The following SH3RF1 variants were observed in gnomAD, a reference collection of about 807,000 sequenced individuals.
SH3RF1 encodes SH3 domain containing ring finger 1.
SH3RF1 carries 32 observed loss-of-function variants against 74.0 expected under a neutral mutation model. The ratio of observed to expected loss-of-function variants is 0.43; its 90% CI spans 0.33 to 0.58. The LOEUF is 0.58. SH3RF1 is among the 20% of genes least tolerant of loss of function. The pLI is 0.05. For missense variants in SH3RF1, 954 were observed against 1,130.9 expected (o/e 0.84, Z 2.24); for synonymous variants, 396 against 439.6 (o/e 0.90, Z 1.24).
At chr4:169,182,276 GCTGA>G (rs1734523466) in intron 2 of SH3RF1, among the ~76,000 whole-genome samples, 1 of 152,176 alleles carries the variant, frequency 6.6e-6, no homozygotes, top group Non-Finnish European at 1.5e-5. Flanking sequence ...GCTAAAAATA[GCTGA>G]CTTTTATATG....
At chr4:169,182,516 A>C (rs1166848912) in intron 2 of SH3RF1, among the ~76,000 whole-genome samples, 1 of 152,250 alleles carries the variant, frequency 6.6e-6, no homozygotes, top group African/African-American at 2.4e-5. Context: ...ATAGAAACTA[A>C]GGTAACATAA....
chr4:169,097,676 G>T (rs1732954188), intron 11 of SH3RF1, among the ~76,000 whole-genome samples: 1 of 152,092 alleles, frequency 6.6e-6, no homozygotes. Flanking sequence ...GTGGTGTATG[G>T]TAGCCAACCT....
chr4:169,227,962 G>C (rs1730677356), intron 2 of SH3RF1, among the ~76,000 whole-genome samples: 1 of 152,158 alleles, frequency 6.6e-6, no homozygotes, highest in Admixed American at 6.5e-5. Flanking sequence ...AAGTGATTCA[G>C]AATCCCAAAT....
chr4:169,236,964 C>T (rs902741729), intron 2 of SH3RF1, among the ~76,000 whole-genome samples: 5 of 152,092 alleles, frequency 3.3e-5, no homozygotes, highest in South Asian at 4.2e-4. Flanking sequence ...TTTAACTGAC[C>T]CAACTTTTGC....
chr4:169,141,247 T>TA (rs1733780488), intron 4 of SH3RF1, among the ~76,000 whole-genome samples: 1 of 151,938 alleles, frequency 6.6e-6, no homozygotes, highest in Non-Finnish European at 1.5e-5. Context: ...TATACATGTA[T>TA]CTACTTTATT....
intron 2 of SH3RF1, among the ~76,000 whole-genome samples, chr4:169,225,857 C>G (rs1174189197): frequency 6.6e-6 from 1 of 151,948 alleles, no homozygotes; most frequent in Non-Finnish European, 1.5e-5. Flanking sequence ...ATGATATGAC[C>G]CACCAACGAC....
chr4:169,248,853 A>G (rs1487556590), intron 2 of SH3RF1, among the ~76,000 whole-genome samples: 1 of 152,142 alleles, frequency 6.6e-6, no homozygotes, highest in Non-Finnish European at 1.5e-5. Flanking sequence ...GTTTTTGGTG[A>G]TTCCTGTGCT....
At chr4:169,116,670 T>C in intron 9 of SH3RF1, 40 bp from the exon 10 acceptor site, 1 of 1,506,616 alleles carries the variant, frequency 6.6e-7, no homozygotes, top group Non-Finnish European at 8.9e-7. Flanking sequence ...AATTCAACTA[T>C]CTAATAGATG....
chr4:169,139,868 T>C (rs1733756219), intron 4 of SH3RF1, among the ~76,000 whole-genome samples: 1 of 152,222 alleles, frequency 6.6e-6, no homozygotes, highest in Admixed American at 6.5e-5. Context: ...ATCTATAAAG[T>C]AAGTTGGAGC....
At chr4:169,185,152 C>T (rs1692182513) in intron 2 of SH3RF1, among the ~76,000 whole-genome samples, 1 of 152,134 alleles carries the variant, frequency 6.6e-6, no homozygotes, top group South Asian at 2.1e-4. Context: ...TCAATCATCC[C>T]ACAAATATTT....
chr4:169,221,275 A>T (rs955978185), intron 2 of SH3RF1, among the ~76,000 whole-genome samples: 1 of 152,122 alleles, frequency 6.6e-6, no homozygotes, highest in Non-Finnish European at 1.5e-5. Flanking sequence ...GCTCCTGACA[A>T]TGTTTATAAA....
At chr4:169,109,754 A>T (rs568813471) in intron 10 of SH3RF1, among the ~76,000 whole-genome samples, 1 of 152,296 alleles carries the variant, frequency 6.6e-6, no homozygotes, top group East Asian at 1.9e-4. Flanking sequence ...TCACACCTGT[A>T]ATTCTAGCAC....
At chr4:169,249,265 C>T (rs1357863374) in intron 2 of SH3RF1, among the ~76,000 whole-genome samples, 1 of 152,118 alleles carries the variant, frequency 6.6e-6, no homozygotes, top group Non-Finnish European at 1.5e-5. Context: ...GCAATTAGGC[C>T]ATGAGGGCTC....
chr4:169,173,231 T>C (rs1467517636), intron 2 of SH3RF1, among the ~76,000 whole-genome samples: 1 of 152,138 alleles, frequency 6.6e-6, no homozygotes, highest in Non-Finnish European at 1.5e-5. Flanking sequence ...CCCTTACTAT[T>C]GTCCCTGCTC....
intron 1 of SH3RF1, among the ~76,000 whole-genome samples, chr4:169,270,601 G>C (rs1028034520): frequency 6.6e-6 from 1 of 152,242 alleles, no homozygotes; most frequent in Non-Finnish European, 1.5e-5. Context: ...CGCCATCCGG[G>C]AAGCAGGGGG....
chr4:169,226,002 G>C (rs1251961643), intron 2 of SH3RF1, among the ~76,000 whole-genome samples: 2 of 152,106 alleles, frequency 1.3e-5, no homozygotes, highest in African/African-American at 4.8e-5. Context: ...CACAACAGAA[G>C]AGACAATGAA....
At chr4:169,098,108 T>C (rs1457783948) in intron 11 of SH3RF1, among the ~76,000 whole-genome samples, 1 of 152,252 alleles carries the variant, frequency 6.6e-6, no homozygotes, top group Non-Finnish European at 1.5e-5. Flanking sequence ...TCCATAATTA[T>C]GTGACCCACA....
chr4:169,219,399 T>G (rs557165461), intron 2 of SH3RF1, among the ~76,000 whole-genome samples: 1 of 152,324 alleles, frequency 6.6e-6, no homozygotes, highest in South Asian at 2.1e-4. Context: ...AAACTCCAGT[T>G]AGGTATATAT....
At chr4:169,255,499 G>A (rs1239775046) in intron 2 of SH3RF1, among the ~76,000 whole-genome samples, 1 of 151,936 alleles carries the variant, frequency 6.6e-6, no homozygotes. Context: ...TAATCTTAAT[G>A]GTATGGAAGT....
Sources: allele counts gnomAD v4.1 joint callset (sites outside exome capture counted in the v4.1 genomes callset), GRCh38; gene constraint gnomAD v4.1.1; transcripts MANE v1.5; gene names NCBI Gene and HGNC (gene_info 2026-07-23, HGNC 2026-07-21).